CCDC6: variants seen among roughly 807,000 people sequenced by gnomAD.
CCDC6 encodes coiled-coil domain containing 6, also known as coiled-coil domain-containing protein 6.
Under a neutral mutation model 56.6 loss-of-function variants are expected in CCDC6, and 20 were observed. That is an observed-to-expected ratio of 0.35 (90% CI 0.25 to 0.51). The LOEUF (loss-of-function observed/expected upper bound fraction) is 0.51, where lower values mean the gene tolerates loss of function less well. Ranked by LOEUF, CCDC6 falls within the 20% of genes least tolerant of loss-of-function variation. The pLI is 0.95. For missense variants in CCDC6, 367 were observed against 601.1 expected, an observed-to-expected ratio of 0.61 and a Z score of 4.07; for synonymous variants, 241 against 234.4, an observed-to-expected ratio of 1.03 and a Z score of -0.26.
At chr10:59,894,553 C>T (rs2071448107) in intron 1 of CCDC6, among the ~76,000 whole-genome samples, 2 of 145,358 alleles carry the variant, frequency 1.4e-5, no homozygotes, top group African/African-American at 4.9e-5. Context: ...GCCTGGCATA[C>T]AGCAGACACT....
chr10:59,862,562 T>TACACACACACACACACAC (rs1360725553), intron 1 of CCDC6, among the ~76,000 whole-genome samples: 3 of 101,940 alleles, frequency 2.9e-5, no homozygotes, highest in Admixed American at 9.8e-5. Flanking sequence ...CACACATATA[T>TACACACACACACACACAC]ATACACATAC....
chr10:59,870,446 G>A (rs2071218306), intron 1 of CCDC6, among the ~76,000 whole-genome samples: 1 of 152,104 alleles, frequency 6.6e-6, no homozygotes, highest in Admixed American at 6.5e-5. Context: ...CCAAAACACA[G>A]CACTATACTT....
Position 59,792,327 on chromosome 10 carries a change from AAC to A in CCDC6, c.*588_*589del, listed in dbSNP as rs1464519928. 2.6e-6 allele frequency: 1 copy of A among 381,436 alleles called. No homozygotes were observed. The highest frequency in any genetic ancestry group is 4.9e-6 in the Non-Finnish European group (1 of 203,926). The allele number at this position is 381,436 out of a possible 1,614,324, so 23.6% of individuals were successfully genotyped here. A position where few individuals can be genotyped will look rare whatever the true frequency, so the allele number is the denominator to read the frequency against. ...TTTTACGAGAGACATGGATGTCAATAACACAATGAAAATAACCTGTAAAAAAT... is the reference window on the plus strand; with the variant it reads ...TTTTACGAGAGACATGGATGTCAATAACAATGAAAATAACCTGTAAAAAAT... On this transcript the variant is annotated 3_prime_UTR_variant, in exon 9 of 9. Transcript: ENST00000263102.
intron 6 of CCDC6, chr10:59,806,694 A>C (rs1299210691): frequency 2.2e-6 from 1 of 460,420 alleles, no homozygotes; most frequent in Admixed American, 3.6e-5. Flanking sequence ...TTCTCTCCCC[A>C]CCAAATGATT....
At chr10:59,866,207 C>A (rs2071175768) in intron 1 of CCDC6, among the ~76,000 whole-genome samples, 1 of 152,208 alleles carries the variant, frequency 6.6e-6, no homozygotes, top group Admixed American at 6.5e-5. Flanking sequence ...GGTATATAAT[C>A]CTCCTAGCAA....
At chr10:59,866,219 T>G (rs1262570446) in intron 1 of CCDC6, among the ~76,000 whole-genome samples, 2 of 152,168 alleles carry the variant, frequency 1.3e-5, no homozygotes, top group African/African-American at 4.8e-5. Flanking sequence ...TCCTAGCAAT[T>G]AAAGAAAAGC....
intron 8 of CCDC6, among the ~76,000 whole-genome samples, chr10:59,794,118 G>A (rs1383765229): frequency 6.6e-6 from 1 of 152,168 alleles, no homozygotes; most frequent in African/African-American, 2.4e-5. Flanking sequence ...GAATACTGAA[G>A]GTCAGTGAAC....
At chr10:59,857,634 G>A (rs1180684984) in intron 1 of CCDC6, among the ~76,000 whole-genome samples, 1 of 151,956 alleles carries the variant, frequency 6.6e-6, no homozygotes, top group Non-Finnish European at 1.5e-5. Flanking sequence ...ATATGGTCAG[G>A]AGAAAGTTCA....
intron 6 of CCDC6, chr10:59,806,683 T>C (rs923053444): frequency 4.5e-6 from 2 of 446,406 alleles, no homozygotes; most frequent in Non-Finnish European, 8.0e-6. Context: ...CCTGTCTCCA[T>C]TTCTCTCCCC....
At chr10:59,847,084 GCT>G (rs2070998688) in intron 2 of CCDC6, among the ~76,000 whole-genome samples, 1 of 151,302 alleles carries the variant, frequency 6.6e-6, no homozygotes. Context: ...ACGGAGTCTC[GCT>G]CTGTCTCCCA....
At chr10:59,847,619 G>A (rs533300080) in intron 2 of CCDC6, among the ~76,000 whole-genome samples, 1 of 152,212 alleles carries the variant, frequency 6.6e-6, no homozygotes, top group South Asian at 2.1e-4. Context: ...GAAGGAGGTG[G>A]TTTCAAAAGG....
intron 1 of CCDC6, among the ~76,000 whole-genome samples, chr10:59,903,889 C>T (rs1259129076): frequency 6.6e-6 from 1 of 152,176 alleles, no homozygotes; most frequent in Non-Finnish European, 1.5e-5. Flanking sequence ...GCATTACATA[C>T]CTGAGAGGTC....
chr10:59,806,832 T>A, intron 6 of CCDC6, 90 bp downstream of exon 6: 1 of 1,257,936 alleles, frequency 7.9e-7, no homozygotes, highest in South Asian at 1.5e-5. Context: ...GCCATCCCCT[T>A]ATACACCTAA....
rs189507399 is a variant in CCDC6 at position 59,848,281 on chromosome 10, T to A, written c.453+4272A>T. On this transcript the variant is annotated intron_variant, in intron 2 of 8. Transcript: ENST00000263102. Reference sequence around the variant, plus strand: ...CTCAGTTTATTTTAATGTGTAACATTTAAAGTGTTTGGGGTCTTTATTTGG... The same window carrying A: ...CTCAGTTTATTTTAATGTGTAACATATAAAGTGTTTGGGGTCTTTATTTGG... Among the ~76,000 whole-genome samples the A allele has an allele frequency of 2.8e-4, 42 of 152,356 alleles. 1 individual carries two copies. Among genetic ancestry groups the A allele is most frequent in the Admixed American group, 2.2e-3 (34 of 15,306 alleles).
At chr10:59,860,738 A>G (rs1342428284) in intron 1 of CCDC6, among the ~76,000 whole-genome samples, 2 of 152,160 alleles carry the variant, frequency 1.3e-5, no homozygotes, top group Admixed American at 6.5e-5. Flanking sequence ...ATAGAAAAAG[A>G]GGCGTGCTCA....
rs117795358 is a variant in CCDC6 at position 59,904,841 on chromosome 10, A to C, written c.303+1281T>G. ...TAAGAATGCCATCTAGTTCTCATGT[A>C]TGAGCCAGCACTGGGGGTGTACACA... On this transcript the variant is annotated intron_variant, in intron 1 of 8. Transcript: ENST00000263102. 2.6e-3 allele frequency among the ~76,000 whole-genome samples: 403 copies of C among 152,340 alleles called. 7 individuals carry two copies. Among genetic ancestry groups the C allele is most frequent in the East Asian group, 0.015 (76 of 5,190 alleles).
At position 59,812,511 on chromosome 10, in the gene CCDC6, G is replaced by T. The variant is rs917676950; in HGVS notation, c.847+124C>A. The T allele has an allele frequency of 1.2e-5, 7 of 601,538 alleles. No individual in the cohort carries two copies. In the African/African-American group the frequency reaches 1.3e-4, roughly 12 times the overall value. 37.3% of individuals were successfully genotyped at this position (601,538 alleles called of 1,614,324 possible). ...CAGGATGATGAACTTAAGTAAACAT[G>T]CATCAGTAATATATGAATTTAATTA... On this transcript the variant is annotated intron_variant, in intron 5 of 8. Coordinates refer to ENST00000263102, the MANE Select transcript of CCDC6 (RefSeq NM_005436.5).
At chr10:59,839,167 G>T (rs1373538057) in intron 2 of CCDC6, among the ~76,000 whole-genome samples, 1 of 152,192 alleles carries the variant, frequency 6.6e-6, no homozygotes, top group Admixed American at 6.6e-5. Flanking sequence ...GGAATTAGGT[G>T]ATCTGCCTGA....
At chr10:59,800,116 T>C (rs546827790) in intron 7 of CCDC6, among the ~76,000 whole-genome samples, 1 of 152,386 alleles carries the variant, frequency 6.6e-6, no homozygotes, top group East Asian at 1.9e-4. Flanking sequence ...ATTGCAAGAA[T>C]ATTACAGGGT....
Sources: allele counts gnomAD v4.1 joint callset (sites outside exome capture counted in the v4.1 genomes callset), GRCh38; gene constraint gnomAD v4.1.1; transcripts MANE v1.5; gene names NCBI Gene and HGNC (gene_info 2026-07-23, HGNC 2026-07-21).